Variants in ATP6V1C1 observed in about 807,000 individuals in gnomAD.
The protein encoded by ATP6V1C1 is V-type proton ATPase subunit C 1.
In ATP6V1C1, 45 loss-of-function variants were observed where a neutral mutation model predicts 53.9. The ratio of observed to expected loss-of-function variants is 0.83; its 90% confidence interval spans 0.66 to 1.07. The LOEUF (loss-of-function observed/expected upper bound fraction) is 1.07. Among genes scored for constraint, ATP6V1C1 ranks in the 50% least tolerant of loss-of-function variants. The pLI, the probability that ATP6V1C1 is intolerant of heterozygous loss-of-function variation, is 0.00. For synonymous variants in ATP6V1C1, 153 were observed against 155.2 expected, an observed-to-expected ratio of 0.99 and a Z score of 0.11; for missense variants, 315 against 440.3, an observed-to-expected ratio of 0.72 and a Z score of 2.55.
At chr8:103,044,859 G>A (rs1031537664) in intron 3 of ATP6V1C1, among the ~76,000 whole-genome samples, 3 of 151,852 alleles carry the variant, frequency 2.0e-5, no homozygotes, top group Non-Finnish European at 4.4e-5. Context: ...CATGAACATC[G>A]GATGTTACTC....
chr8:103,069,238 A>G lies in ATP6V1C1; in HGVS notation c.*491A>G, dbSNP rs1014453292. ...ACGTTTCAAATTTCAATCAATGAGC[A>G]CTGTCAACACCCACAGGAGAGAATA... is the stretch of plus-strand genomic sequence containing the variant. On this transcript the variant is annotated 3_prime_UTR_variant, in exon 13 of 13. Transcript: ENST00000518738. The G allele has an allele frequency of 2.0e-5, 3 of 152,310 alleles. No individual in the cohort carries two copies. The highest frequency in any genetic ancestry group is 4.4e-5 in the Non-Finnish European group (3 of 68,114). The allele number at this position is 152,310 out of a possible 1,614,324, so 9.4% of individuals were successfully genotyped here.
rs1817582018 is a variant in ATP6V1C1 at position 103,071,309 on chromosome 8, A to ACG, written c.*2562_*2563insCG. The ACG allele has an allele frequency of 1.3e-5, 2 of 152,142 alleles. No homozygotes were observed. The highest frequency in any genetic ancestry group is 2.9e-5 in the Non-Finnish European group (2 of 68,052). The allele number at this position is 152,142 out of a possible 1,614,324, so 9.4% of individuals were successfully genotyped here. Reference sequence around the variant, plus strand: ...GTCAGGGATCATTCACATCCACATCATCCTCCCGGCCCCTCCCCGTGTTGT... The same window carrying ACG: ...GTCAGGGATCATTCACATCCACATCACGTCCTCCCGGCCCCTCCCCGTGTTGT... On this transcript the variant is annotated 3_prime_UTR_variant, in exon 13 of 13. Transcript: ENST00000518738.
At chr8:103,044,942 A>G (rs1817068703) in intron 3 of ATP6V1C1, among the ~76,000 whole-genome samples, 2 of 152,134 alleles carry the variant, frequency 1.3e-5, no homozygotes, top group East Asian at 3.8e-4. Flanking sequence ...TGCAGTTTTT[A>G]TTACTTTTGA....
chr8:103,048,305 A>G (rs914680344), intron 3 of ATP6V1C1, among the ~76,000 whole-genome samples: 2 of 151,962 alleles, frequency 1.3e-5, no homozygotes, highest in African/African-American at 2.4e-5. Flanking sequence ...TTTTGCACCA[A>G]CCTAATAGTT....
chr8:103,036,827 A>G (rs968123513), intron 1 of ATP6V1C1, among the ~76,000 whole-genome samples: 1 of 152,188 alleles, frequency 6.6e-6, no homozygotes, highest in African/African-American at 2.4e-5. Flanking sequence ...ATTTAGCACA[A>G]TCATCAGGAA....
intron 11 of ATP6V1C1, among the ~76,000 whole-genome samples, chr8:103,066,053 A>AG (rs1288712564): frequency 1.3e-5 from 2 of 152,110 alleles, no homozygotes; most frequent in Non-Finnish European, 2.9e-5. Flanking sequence ...GAAAAAAAAA[A>AG]TGAATGGTAA....
chr8:103,029,282 T>TC (rs1816751915), intron 1 of ATP6V1C1, among the ~76,000 whole-genome samples: 2 of 149,698 alleles, frequency 1.3e-5, no homozygotes, highest in Non-Finnish European at 3.0e-5. Context: ...TCTCTCTCTC[T>TC]TCTTTTTTTT....
At chr8:103,021,645 C>CG (rs1401879925) in intron 1 of ATP6V1C1, among the ~76,000 whole-genome samples, 1 of 28,368 alleles carries the variant, frequency 3.5e-5, no homozygotes, top group Non-Finnish European at 6.8e-5. Flanking sequence ...GCGCGGGTGT[C>CG]GGGGGTCGGG....
chr8:103,023,859 C>T (rs529339464), intron 1 of ATP6V1C1, among the ~76,000 whole-genome samples: 13 of 150,724 alleles, frequency 8.6e-5, no homozygotes, highest in South Asian at 6.3e-4. Context: ...GAGAAAAGGG[C>T]GAGTTTTTTG....
rs35288992 is a variant in ATP6V1C1 at position 103,052,775 on chromosome 8, A to C, written c.426A>C (p.Ala142=). The part of the protein sequence containing the change: ...IDNDLKSRAS[A]YNNLKGNLQN... ...ATGACCTGAAATCTCGAGCATCTGC[A>C]TACAATAACCTGAAAGGAAATCTTC... Residue 142 remains alanine (A), a synonymous_variant, in exon 6 of 13, where the codon GCA becomes GCC. Coordinates refer to ENST00000518738, the MANE Select transcript of ATP6V1C1 (RefSeq NM_001695.5). The C allele has an allele frequency of 4.1e-4, 654 of 1,599,474 alleles. 3 individuals carry two copies. The African/African-American group carries it at 8.1e-3, about 20-fold the overall frequency.
intron 12 of ATP6V1C1, 47 bp from the exon 13 acceptor site, chr8:103,068,605 T>C (rs1817535754): frequency 7.0e-7 from 1 of 1,435,548 alleles, no homozygotes; most frequent in East Asian, 2.4e-5. Context: ...TTTCTTTTTT[T>C]GAGTTCTGTA....
intron 11 of ATP6V1C1, among the ~76,000 whole-genome samples, chr8:103,065,388 C>A (rs932760520): frequency 6.6e-6 from 1 of 151,986 alleles, no homozygotes; most frequent in Non-Finnish European, 1.5e-5. Context: ...CCTGTCTCTA[C>A]TAAAAATATA....
intron 1 of ATP6V1C1, among the ~76,000 whole-genome samples, chr8:103,021,795 G>T (rs576878634): frequency 6.6e-6 from 1 of 151,954 alleles, no homozygotes; most frequent in Admixed American, 6.6e-5. Flanking sequence ...AATGGGGGAG[G>T]GTAGGCAAAC....
At chr8:103,045,820 A>C (rs1250680755) in intron 3 of ATP6V1C1, among the ~76,000 whole-genome samples, 2 of 152,190 alleles carry the variant, frequency 1.3e-5, no homozygotes, top group African/African-American at 4.8e-5. Context: ...GGGCGCCTGT[A>C]GTCCCAGCTA....
rs567012208 is a variant in ATP6V1C1, at chr8:103,042,309, C to T, written c.133-31C>T. The T allele has an allele frequency of 1.8e-5, 29 of 1,588,974 alleles. No individual in the cohort carries two copies. The East Asian group carries it at 6.3e-4, about 34-fold the overall frequency. ...TGTTTTTTTTTTTTAAAAAAGCATGCCACCTAAATAACAATATATTTTCCT... is the reference window on the plus strand; with the variant it reads ...TGTTTTTTTTTTTTAAAAAAGCATGTCACCTAAATAACAATATATTTTCCT... On this transcript the variant is annotated intron_variant, in intron 2 of 12. Coordinates refer to ENST00000518738, the MANE Select transcript of ATP6V1C1 (RefSeq NM_001695.5).
intron 1 of ATP6V1C1, among the ~76,000 whole-genome samples, chr8:103,023,248 G>T (rs1381379111): frequency 6.7e-6 from 1 of 149,828 alleles, no homozygotes; most frequent in Non-Finnish European, 1.5e-5. Context: ...AGCCAGTGAA[G>T]ATTACAGGCA....
chr8:103,071,214 G>A lies in ATP6V1C1; in HGVS notation c.*2467G>A, dbSNP rs1817581022. 6.6e-6 allele frequency: 1 copy of A among 152,132 alleles called. No homozygotes were observed. The highest frequency in any genetic ancestry group is 1.5e-5 in the Non-Finnish European group (1 of 68,042). The allele number at this position is 152,132 out of a possible 1,614,324, so 9.4% of individuals were successfully genotyped here. ...ACTGTCCCAAGCCACTTACCTTCCC[G>A]AGGAGTCTGCTGGTTCTCCTTGAGG... On this transcript the variant is annotated 3_prime_UTR_variant, in exon 13 of 13. Coordinates refer to ENST00000518738, the MANE Select transcript of ATP6V1C1 (RefSeq NM_001695.5).
chr8:103,042,262 T>G, intron 2 of ATP6V1C1, 78 bp from the exon 3 acceptor site: 1 of 1,389,858 alleles, frequency 7.2e-7, no homozygotes, highest in Non-Finnish European at 1.0e-6. Flanking sequence ...TTGTGAGAAC[T>G]TTAGGTCAAG....
chr8:103,041,052 C>T (rs1161256165), intron 2 of ATP6V1C1, 84 bp downstream of exon 2: 1 of 1,410,224 alleles, frequency 7.1e-7, no homozygotes, highest in African/African-American at 1.5e-5. Flanking sequence ...ATGAGATACC[C>T]AGGTTCCTTC....
Sources: allele counts gnomAD v4.1 joint callset (sites outside exome capture counted in the v4.1 genomes callset), GRCh38; gene constraint gnomAD v4.1.1; transcripts MANE v1.5; gene names NCBI Gene and HGNC (gene_info 2026-07-23, HGNC 2026-07-21).